CASP5: variants seen among roughly 807,000 people sequenced by gnomAD.
CASP5 encodes caspase 5, also known as caspase-5.
CASP5 carries 42 observed loss-of-function variants against 45.2 expected under a neutral mutation model. The ratio of observed to expected loss-of-function variants is 0.93; its 90% CI spans 0.73 to 1.20. The LOEUF (loss-of-function observed/expected upper bound fraction) is 1.20, where lower values mean the gene tolerates loss of function less well. Ranked by LOEUF, CASP5 falls within the 50% of genes most tolerant of loss-of-function variation. The pLI is 0.00. For missense variants in CASP5, 512 were observed against 532.2 expected (o/e 0.96, Z 0.37); for synonymous variants, 209 against 186.2 (o/e 1.12, Z -1.00).
chr11:105,000,777 T>TA (rs1214873290), intron 5 of CASP5, among the ~76,000 whole-genome samples: 5 of 152,106 alleles, frequency 3.3e-5, no homozygotes, highest in East Asian at 1.9e-4. Context: ...TACTTTTTTT[T>TA]ATCTCAATCT....
chr11:104,994,641 C>G (rs750165272), intron 9 of CASP5, among the ~76,000 whole-genome samples: 1 of 152,086 alleles, frequency 6.6e-6, no homozygotes, highest in Non-Finnish European at 1.5e-5. Context: ...TGATGAGGCT[C>G]CTCACTGTTT....
chr11:104,998,458 T>G (rs1861566151), intron 7 of CASP5, among the ~76,000 whole-genome samples: 3 of 152,188 alleles, frequency 2.0e-5, no homozygotes, highest in African/African-American at 7.2e-5. Context: ...CATTGCTCTT[T>G]GTAGGATCAA....
rs1318923390 is a variant in CASP5, at chr11:105,003,297, G to A, written c.520C>T (p.Leu174=). ...ACCTCATCATGATTTTTTTTACACA[G>A]TCTCAGGAATTCTTCACGAGGACAA... ...KLCPREEFLR[L]CKKNHDEIYP... The change falls in exon 4 of 10, where the codon CTG becomes TTG. Residue 174 remains leucine (L), a synonymous_variant. Coordinates refer to ENST00000260315, the MANE Select transcript of CASP5 (RefSeq NM_004347.5). The A allele has an allele frequency of 1.2e-6, 2 of 1,601,672 alleles. No individual in the cohort carries two copies. Among genetic ancestry groups the A allele is most frequent in the Admixed American group, 1.7e-5 (1 of 59,214 alleles).
In CASP5 at chr11:105,007,083, G is replaced by T. The variant is rs761988172; in HGVS notation, c.433C>A (p.Pro145Thr). 14 of 1,610,550 alleles carry T rather than the reference G, an allele frequency of 8.7e-6. No homozygotes were observed. Among genetic ancestry groups the T allele is most frequent in the Non-Finnish European group, 1.1e-5 (13 of 1,178,542 alleles). ...NMDQKITSVK[P>T]LLQIEAGPPE... ...TTTATCGTGTTAGATGCAACCTTAC[G>T]TTTTACACTGGTGATCTTTTGGTCC... Residue 145 changes from proline to threonine, a missense_variant and splice_region_variant, in exon 3 of 10, where the codon CCT (proline) becomes ACT (threonine). Transcript: ENST00000260315.
chr11:105,009,877 A>T (rs1244119531), intron 1 of CASP5, among the ~76,000 whole-genome samples: 1 of 140,368 alleles, frequency 7.1e-6, no homozygotes, highest in Non-Finnish European at 1.5e-5. Context: ...ATATATACAC[A>T]CATATATATA....
In CASP5 at chr11:105,023,153, C is replaced by T. The variant is rs1469674871; in HGVS notation, c.-17G>A. On this transcript the variant is annotated 5_prime_UTR_variant, in exon 1 of 10. Transcript: ENST00000260315. ...ACCAGCCATAGCTAACAGCCTCTGT[C>T]TCTTTGTACAGCACTGGAAAGTGCC... 1.3e-6 allele frequency: 2 copies of T among 1,551,040 alleles called. No homozygotes were observed. The highest frequency in any genetic ancestry group is 4.9e-5 in the East Asian group (2 of 40,908).
intron 1 of CASP5, among the ~76,000 whole-genome samples, chr11:105,013,450 T>C (rs866655479): frequency 6.6e-6 from 1 of 152,106 alleles, no homozygotes; most frequent in Non-Finnish European, 1.5e-5. Flanking sequence ...AGGTAATGCA[T>C]ATGTTATTTA....
At chr11:105,005,997 T>C (rs3181174) in intron 3 of CASP5, among the ~76,000 whole-genome samples, 1 of 152,110 alleles carries the variant, frequency 6.6e-6, no homozygotes, top group Non-Finnish European at 1.5e-5. Flanking sequence ...TTTTGTATAG[T>C]GAGGTTTGAA....
At chr11:105,019,459 A>G (rs1862823969) in intron 1 of CASP5, among the ~76,000 whole-genome samples, 1 of 150,702 alleles carries the variant, frequency 6.6e-6, no homozygotes. Flanking sequence ...CGCAATAAAA[A>G]ATGATAATGG....
intron 1 of CASP5, among the ~76,000 whole-genome samples, chr11:105,009,720 C>CACATATAT (rs1376205553): frequency 3.6e-4 from 23 of 64,076 alleles, no homozygotes; most frequent in South Asian, 1.0e-3. Flanking sequence ...TATATACACA[C>CACATATAT]ATATATATAT....
At chr11:105,007,021 G>A (rs1312711598) in intron 3 of CASP5, 62 bp downstream of exon 3, 1 of 1,364,908 alleles carries the variant, frequency 7.3e-7, no homozygotes, top group Non-Finnish European at 1.0e-6. Flanking sequence ...CACTGCATGG[G>A]CCTTGGAGTT....
In CASP5 at chr11:104,994,359, A is replaced by G. The variant is rs1229873797; in HGVS notation, c.*5-12T>C. On this transcript the variant is annotated splice_polypyrimidine_tract_variant and intron_variant, in intron 9 of 9. Coordinates refer to ENST00000260315, the MANE Select transcript of CASP5 (RefSeq NM_004347.5). ...CTGCCTGTGGTTTCCTGCAGAAGAG[A>G]GAAAGGACAGAAGGTCAAGATGGTT... The G allele has an allele frequency of 6.6e-6, 1 of 152,208 alleles. No homozygotes were observed. The highest frequency in any genetic ancestry group is 2.4e-5 in the African/African-American group (1 of 41,438). 9.4% of individuals were successfully genotyped at this position (152,208 alleles called of 1,614,324 possible).
intron 1 of CASP5, among the ~76,000 whole-genome samples, chr11:105,020,679 C>G (rs182775874): frequency 2.6e-5 from 4 of 151,720 alleles, no homozygotes; most frequent in Admixed American, 6.6e-5. Context: ...AATGGAAGAA[C>G]ATTCCATGCT....
At chr11:105,015,784 C>G (rs1862560092) in intron 1 of CASP5, among the ~76,000 whole-genome samples, 1 of 151,890 alleles carries the variant, frequency 6.6e-6, no homozygotes, top group South Asian at 2.1e-4. Flanking sequence ...GCAAGCAATT[C>G]CTGCATTTTA....
rs778906548 is a variant in CASP5 at position 105,000,382 on chromosome 11, C to A, written c.831G>T (p.Ala277=). The A allele has an allele frequency of 6.2e-7, 1 of 1,614,130 alleles. No individual in the cohort carries two copies. Among genetic ancestry groups the A allele is most frequent in the Non-Finnish European group, 8.5e-7 (1 of 1,180,006 alleles). Residue 277 remains alanine, a synonymous_variant, in exon 6 of 10, where the codon GCG becomes GCT. Transcript: ENST00000260315. ...GCACATCCGGTTTTTTCTTTTTATGCGCAGTTCCGCAGATTCCCTCTAGGA... is the reference window on the plus strand; with the variant it reads ...GCACATCCGGTTTTTTCTTTTTATGAGCAGTTCCGCAGATTCCCTCTAGGA... ...HGILEGICGT[A]HKKKKPDVLL...
In CASP5 at chr11:105,007,244, T is replaced by C. The variant is rs753257225; in HGVS notation, c.272A>G (p.Asp91Gly). The change falls in exon 3 of 10, where the codon GAT becomes GGT. Residue 91 changes from aspartate to glycine, a missense_variant. Transcript: ENST00000260315. Reference sequence around the variant, plus strand: ...TTCCTCTTCCTTCAATGTCAGAACATCGTGTTTTGCCAAATAATTAAAAAC... The same window carrying C: ...TTCCTCTTCCTTCAATGTCAGAACACCGTGTTTTGCCAAATAATTAAAAAC... Reference protein sequence around the residue: ...HGVFNYLAKHDVLTLKEEEKK... With the variant: ...HGVFNYLAKHGVLTLKEEEKK... 3 of 1,613,048 alleles carry C rather than the reference T, an allele frequency of 1.9e-6. No homozygotes were observed. The African/African-American group carries it at 4.0e-5, about 22-fold the overall frequency.
Position 105,000,378 on chromosome 11 carries a change from T to C in CASP5, c.835A>G (p.Lys279Glu), listed in dbSNP as rs749248089. The change falls in exon 6 of 10, where the codon AAA becomes GAA. Residue 279 changes from lysine to glutamate, a missense_variant. Transcript: ENST00000260315. Reference sequence around the variant, plus strand: ...AGCAGCACATCCGGTTTTTTCTTTTTATGCGCAGTTCCGCAGATTCCCTCT... The same window carrying C: ...AGCAGCACATCCGGTTTTTTCTTTTCATGCGCAGTTCCGCAGATTCCCTCT... The part of the protein sequence containing the change: ...ILEGICGTAH[K>E]KKKPDVLLYD... 6.2e-7 allele frequency: 1 copy of C among 1,614,206 alleles called. No individual in the cohort carries two copies. Among genetic ancestry groups the C allele is most frequent in the Non-Finnish European group, 8.5e-7 (1 of 1,180,028 alleles).
rs1279713861 is a variant in CASP5 at position 105,007,280 on chromosome 11, AC to A, written c.235del (p.Val79PhefsTer15). 2 of 1,610,630 alleles carry A rather than the reference AC, an allele frequency of 1.2e-6. No homozygotes were observed. The highest frequency in any genetic ancestry group is 1.7e-6 in the Non-Finnish European group (2 of 1,179,496). On this transcript the variant is annotated frameshift_variant, in exon 3 of 10. Transcript: ENST00000260315. LOFTEE classifies it high-confidence loss of function. Reference sequence around the variant, plus strand: ...CAAATAATTAAAAACACCATGAAGAACATCTTTGCCCAGGTATTCCAACATC... The same window carrying A: ...CAAATAATTAAAAACACCATGAAGAAATCTTTGCCCAGGTATTCCAACATC... ...VKMLEYLGKD[V>X]LHGVFNYLAK...
rs1322587650 is a variant in CASP5 at position 105,019,675 on chromosome 11, A to G, written c.7+3455T>C. 1.2e-4 allele frequency among the ~76,000 whole-genome samples: 17 copies of G among 145,266 alleles called. 2 individuals are homozygous for G. The highest frequency in any genetic ancestry group is 3.0e-4 in the African/African-American group (12 of 40,246). On this transcript the variant is annotated intron_variant, in intron 1 of 9. Coordinates refer to ENST00000260315, the MANE Select transcript of CASP5 (RefSeq NM_004347.5). ...TGTGGCAATAATCAAAAGCTTACCA[A>G]CTAAAAAGAGTCCAGGACCAGATGG...
Sources: allele counts gnomAD v4.1 joint callset (sites outside exome capture counted in the v4.1 genomes callset), GRCh38; gene constraint gnomAD v4.1.1; transcripts MANE v1.5; gene names NCBI Gene and HGNC (gene_info 2026-07-23, HGNC 2026-07-21).